The following MAGI2 variants were observed in gnomAD, a reference collection of about 807,000 sequenced individuals.
MAGI2 encodes the protein membrane associated guanylate kinase, WW and PDZ domain containing 2, also known as membrane-associated guanylate kinase, WW and PDZ domain-containing protein 2.
Under a neutral mutation model 133.3 loss-of-function variants are expected in MAGI2, and 35 were observed. The observed-to-expected ratio is 0.26, with a 90% CI of 0.20 to 0.35. The LOEUF (loss-of-function observed/expected upper bound fraction) is 0.35, where lower values mean the gene tolerates loss of function less well. MAGI2 is among the 10% of genes least tolerant of loss of function. MAGI2 has a pLI of 1.00. For missense variants in MAGI2, 1,636 were observed against 1,863.4 expected (o/e 0.88, Z 2.25); for synonymous variants, 729 against 710.6 (o/e 1.03, Z -0.41).
chr7:78,423,082 C>T (rs896362788), intron 6 of MAGI2, among the ~76,000 whole-genome samples: 3 of 152,144 alleles, frequency 2.0e-5, no homozygotes, highest in African/African-American at 4.8e-5. Flanking sequence ...AAAATGTTCA[C>T]GATATGGTGT....
intron 1 of MAGI2, among the ~76,000 whole-genome samples, chr7:79,294,065 C>A (rs1190587543): frequency 1.3e-5 from 2 of 151,696 alleles, no homozygotes; most frequent in Non-Finnish European, 2.9e-5. Flanking sequence ...AGTCTGTAAT[C>A]CCCTCAGGAG....
chr7:79,084,150 C>T (rs905864949), intron 1 of MAGI2, among the ~76,000 whole-genome samples: 4 of 151,520 alleles, frequency 2.6e-5, no homozygotes, highest in African/African-American at 9.7e-5. Flanking sequence ...ATCCATTTTA[C>T]TTATTTGCAC....
chr7:79,073,728 T>C (rs900683691), intron 1 of MAGI2, among the ~76,000 whole-genome samples: 1 of 151,860 alleles, frequency 6.6e-6, no homozygotes, highest in African/African-American at 2.4e-5. Flanking sequence ...GATAAAGACC[T>C]GCATGATCTG....
At position 78,019,535 on chromosome 7, in the gene MAGI2, G is replaced by A. The variant is rs1267139417; in HGVS notation, c.4148C>T (p.Pro1383Leu). Residue 1383 changes from proline (P) to leucine (L), a missense_variant, in exon 22 of 22, where the codon CCG (proline) becomes CTG (leucine). Pro to Leu is a moderately conservative substitution (Grantham distance 98, BLOSUM62 -3). Coordinates refer to ENST00000354212, the MANE Select transcript of MAGI2 (RefSeq NM_012301.4). ...AGSELCRREG[P>L]GAAPAFAGPG... Reference sequence around the variant, plus strand: ...GCCGGCAAACGCCGGCGCAGCCCCCGGGCCTTCGCGCCGGCAGAGCTCGGA... The same window carrying A: ...GCCGGCAAACGCCGGCGCAGCCCCCAGGCCTTCGCGCCGGCAGAGCTCGGA... The A allele has an allele frequency of 5.0e-5, 49 of 979,870 alleles. No individual in the cohort carries two copies. The highest frequency in any genetic ancestry group is 2.3e-4 in the East Asian group (2 of 8,620). 60.7% of individuals were successfully genotyped at this position (979,870 alleles called of 1,614,324 possible).
chr7:78,475,686 C>T (rs567327365), intron 6 of MAGI2, among the ~76,000 whole-genome samples: 12 of 151,350 alleles, frequency 7.9e-5, no homozygotes, highest in South Asian at 2.1e-4. Context: ...TAATAGCAGA[C>T]GGAATAAATC....
chr7:78,300,030 T>C lies in MAGI2; in HGVS notation c.1409-43449A>G, dbSNP rs543161328. Among the ~76,000 whole-genome samples, 10 of 152,240 alleles carry C rather than the reference T, an allele frequency of 6.6e-5. No homozygotes were observed. The East Asian group carries it at 1.9e-3, about 29-fold the overall frequency. Reference sequence around the variant, plus strand: ...TGAACTTGGATGAGAAAAAATTACATCTTGATTTTCAGTGAATTCTAACAT... The same window carrying C: ...TGAACTTGGATGAGAAAAAATTACACCTTGATTTTCAGTGAATTCTAACAT... On this transcript the variant is annotated intron_variant, in intron 9 of 21. Transcript: ENST00000354212.
At chr7:78,916,580 A>T (rs767643216) in intron 2 of MAGI2, among the ~76,000 whole-genome samples, 2 of 152,138 alleles carry the variant, frequency 1.3e-5, no homozygotes, top group Non-Finnish European at 2.9e-5. Context: ...AGAGGAGGGG[A>T]TGCACAAAAT....
intron 2 of MAGI2, among the ~76,000 whole-genome samples, chr7:78,985,427 A>G (rs1279132592): frequency 1.3e-5 from 2 of 152,106 alleles, no homozygotes; most frequent in Non-Finnish European, 1.5e-5. Flanking sequence ...TCATCTTAAA[A>G]GAAAATATTT....
At chr7:79,095,129 T>A (rs1247981463) in intron 1 of MAGI2, among the ~76,000 whole-genome samples, 1 of 152,196 alleles carries the variant, frequency 6.6e-6, no homozygotes, top group African/African-American at 2.4e-5. Context: ...GCTACCCTCA[T>A]CAATTATCTT....
intron 2 of MAGI2, among the ~76,000 whole-genome samples, chr7:78,637,441 A>G (rs1371948500): frequency 7.1e-6 from 1 of 140,730 alleles, no homozygotes; most frequent in Non-Finnish European, 1.6e-5. Context: ...TAAAAAAAAA[A>G]ATAAGCATCT....
chr7:78,319,598 TAAC>T (rs1332132275), intron 9 of MAGI2, among the ~76,000 whole-genome samples: 1 of 152,084 alleles, frequency 6.6e-6, no homozygotes, highest in Non-Finnish European at 1.5e-5. Context: ...AGACACAACA[TAAC>T]AAAATCTCTG....
At chr7:78,683,991 G>A (rs909799642) in intron 2 of MAGI2, among the ~76,000 whole-genome samples, 4 of 152,152 alleles carry the variant, frequency 2.6e-5, no homozygotes, top group African/African-American at 9.7e-5. Context: ...TTCTCCCAGT[G>A]ATACAACAGA....
chr7:78,184,294 A>G (rs1412078376), intron 13 of MAGI2: 1 of 152,256 alleles, frequency 6.6e-6, no homozygotes, highest in African/African-American at 2.4e-5. Flanking sequence ...AGCAGCCAGT[A>G]TAGAGGAATA....
chr7:78,808,019 A>G (rs1310550755), intron 2 of MAGI2, among the ~76,000 whole-genome samples: 1 of 152,174 alleles, frequency 6.6e-6, no homozygotes, highest in Admixed American at 6.5e-5. Flanking sequence ...TCTAAGGAAT[A>G]AAAAAAGAGG....
chr7:79,192,429 G>A (rs890724330), intron 1 of MAGI2, among the ~76,000 whole-genome samples: 1 of 151,694 alleles, frequency 6.6e-6, no homozygotes, highest in Non-Finnish European at 1.5e-5. Flanking sequence ...CACAGCCTTT[G>A]CCTTTACATA....
At chr7:79,337,689 GA>G (rs367902289) in intron 1 of MAGI2, among the ~76,000 whole-genome samples, 1 of 151,720 alleles carries the variant, frequency 6.6e-6, no homozygotes, top group African/African-American at 2.4e-5. Context: ...GAATCTGCTG[GA>G]AAAAAAAGTG....
chr7:79,256,174 G>A (rs1284712435), intron 1 of MAGI2, among the ~76,000 whole-genome samples: 7 of 152,276 alleles, frequency 4.6e-5, no homozygotes, highest in African/African-American at 1.7e-4. Flanking sequence ...AGAATTAGAC[G>A]CAGATGCCTC....
chr7:78,847,803 T>G (rs145535452), intron 2 of MAGI2, among the ~76,000 whole-genome samples: 247 of 151,942 alleles, frequency 1.6e-3, no homozygotes, highest in African/African-American at 5.8e-3. Context: ...TAATTTTATT[T>G]ATTTGTTTGT....
intron 1 of MAGI2, among the ~76,000 whole-genome samples, chr7:79,023,071 G>A (rs1038384473): frequency 6.6e-6 from 1 of 152,110 alleles, no homozygotes; most frequent in Non-Finnish European, 1.5e-5. Flanking sequence ...TATGAATATA[G>A]ATGCAAAATT....
Sources: allele counts gnomAD v4.1 joint callset (sites outside exome capture counted in the v4.1 genomes callset), GRCh38; gene constraint gnomAD v4.1.1; transcripts MANE v1.5; gene names NCBI Gene and HGNC (gene_info 2026-07-23, HGNC 2026-07-21).